The following MSH5 variants were observed in gnomAD, a reference collection of about 807,000 sequenced individuals.
MSH5 encodes mutS homolog 5, also known as mutS protein homolog 5.
In MSH5, 78 loss-of-function variants were observed where a neutral mutation model predicts 107.7. The observed-to-expected ratio is 0.72, with a 90% CI of 0.60 to 0.87. The LOEUF is 0.87. Ranked by LOEUF, MSH5 falls within the 40% of genes least tolerant of loss-of-function variation. The pLI is 0.00. For missense variants in MSH5, 889 were observed against 1,046.6 expected, an observed-to-expected ratio of 0.85 and a Z score of 2.08; for synonymous variants, 326 against 399.5, an observed-to-expected ratio of 0.82 and a Z score of 2.19.
rs960250200 is a variant in MSH5, at chr6:31,759,651, T to C, written c.1496-135T>C. 6 of 1,354,426 alleles carry C rather than the reference T, an allele frequency of 4.4e-6. No homozygotes were observed. Among genetic ancestry groups the C allele is most frequent in the Admixed American group, 1.9e-5 (1 of 52,758 alleles). 83.9% of individuals were successfully genotyped at this position (1,354,426 alleles called of 1,614,324 possible). On this transcript the variant is annotated intron_variant, in intron 17 of 24. Coordinates refer to ENST00000375750, the MANE Select transcript of MSH5 (RefSeq NM_172166.4). The surrounding 1 kb of genome is among the most constrained non-coding windows in gnomAD (Gnocchi z 4.7). ...TGCTCTCTGTCTCGCTCACTCTGAC[T>C]CTATCTTTTCCTCTGAATGTCTTGA...
chr6:31,740,438 CTT>C lies in MSH5; in HGVS notation c.-13-12_-13-11del. On this transcript the variant is annotated splice_polypyrimidine_tract_variant and intron_variant, in intron 1 of 24. Transcript: ENST00000375750. This position sits in a 1 kb window ranked among gnomAD's most constrained non-coding sequence, Gnocchi z 4.4. ...AATCGTTGCTTCCGAACCGCCCTCA[CTT>C]TTTGCATCCGCAGAGCCTCCAAGCT... 6.5e-7 allele frequency: 1 copy of C among 1,547,560 alleles called. No individual in the cohort carries two copies. Among genetic ancestry groups the C allele is most frequent in the East Asian group, 2.5e-5 (1 of 40,460 alleles).
chr6:31,758,376 A>G lies in MSH5; in HGVS notation c.1143+83A>G. ...TGCAAGATGGGGAAACATGGAAGATATTGAGGTCAATTGGATAAAGAATGG... is the reference window on the plus strand; with the variant it reads ...TGCAAGATGGGGAAACATGGAAGATGTTGAGGTCAATTGGATAAAGAATGG... On this transcript the variant is annotated intron_variant, in intron 13 of 24. Transcript: ENST00000375750. The surrounding 1 kb of genome is among the most constrained non-coding windows in gnomAD (Gnocchi z 5.1). 2 of 1,584,266 alleles carry G rather than the reference A, an allele frequency of 1.3e-6. No homozygotes were observed. The highest frequency in any genetic ancestry group is 1.7e-6 in the Non-Finnish European group (2 of 1,159,988).
chr6:31,759,387 G>A lies in MSH5; in HGVS notation c.1408-38G>A. The A allele has an allele frequency of 6.2e-7, 1 of 1,601,060 alleles. No individual in the cohort carries two copies. The highest frequency in any genetic ancestry group is 1.3e-5 in the African/African-American group (1 of 74,778). On this transcript the variant is annotated intron_variant, in intron 16 of 24. Transcript: ENST00000375750. This position sits in a 1 kb window ranked among gnomAD's most constrained non-coding sequence, Gnocchi z 4.7. ...AGATGGGGAAGGAGAGGAGGACCAA[G>A]AGATGCAAAGTCCACAGCTTTGAAC...
In MSH5 at chr6:31,761,336, G is replaced by A; in HGVS notation, c.2037+74G>A. 1 of 1,606,252 alleles carries A rather than the reference G, an allele frequency of 6.2e-7. No individual in the cohort carries two copies. The highest frequency in any genetic ancestry group is 8.5e-7 in the Non-Finnish European group (1 of 1,174,810). ...GGAGGATGAAGGAGCATGACAGTGAGGCTGGGCCTCTGGAATGGAATAGGG... is the reference window on the plus strand; with the variant it reads ...GGAGGATGAAGGAGCATGACAGTGAAGCTGGGCCTCTGGAATGGAATAGGG... On this transcript the variant is annotated intron_variant, in intron 21 of 24. Coordinates refer to ENST00000375750, the MANE Select transcript of MSH5 (RefSeq NM_172166.4). The surrounding 1 kb of genome is among the most constrained non-coding windows in gnomAD (Gnocchi z 5.3).
Position 31,760,334 on chromosome 6 carries a change from GA to G in MSH5, c.1812+121del. ...CCCATTTTCTGACCCCGCTCTTCAT[GA>G]AAGGACCATCACCCACATCCCTGTG... is the stretch of plus-strand genomic sequence containing the variant. On this transcript the variant is annotated intron_variant, in intron 19 of 24. Coordinates refer to ENST00000375750, the MANE Select transcript of MSH5 (RefSeq NM_172166.4). The surrounding 1 kb of genome is among the most constrained non-coding windows in gnomAD (Gnocchi z 5.6). The G allele has an allele frequency of 7.5e-7, 1 of 1,337,506 alleles. No homozygotes were observed. The highest frequency in any genetic ancestry group is 1.0e-6 in the Non-Finnish European group (1 of 986,918). The allele number at this position is 1,337,506 out of a possible 1,614,324, so 82.9% of individuals were successfully genotyped here.
intron 12 of MSH5, among the ~76,000 whole-genome samples, chr6:31,755,643 T>C (rs1294014690): frequency 6.6e-6 from 1 of 152,180 alleles, no homozygotes; most frequent in Admixed American, 6.5e-5. Context: ...ATTACAGGCG[T>C]GAGCCATTGC....
intron 8 of MSH5, among the ~76,000 whole-genome samples, chr6:31,744,938 C>T (rs978014887): frequency 6.6e-6 from 1 of 151,616 alleles, no homozygotes; most frequent in Non-Finnish European, 1.5e-5. Context: ...GGTAAAACCC[C>T]GTCTCTACTA....
At chr6:31,742,787 G>A in intron 3 of MSH5, 90 bp from the exon 4 acceptor site, 1 of 1,227,776 alleles carries the variant, frequency 8.1e-7, no homozygotes, top group South Asian at 1.2e-5. Context: ...TTTTTGAGAA[G>A]GAGAGGGGTA....
chr6:31,747,430 C>T lies in MSH5; in HGVS notation c.810C>T (p.Leu270=), dbSNP rs776004247. Reference sequence around the variant, plus strand: ...ACTGTAAGTGGGGAGAGAAGCTGCTCAGGTGAGTGGGTCCCACACATACTA... The same window carrying T: ...ACTGTAAGTGGGGAGAGAAGCTGCTTAGGTGAGTGGGTCCCACACATACTA... ...RCHCKWGEKL[L]RLWFTRPTHD... The change falls in exon 10 of 25, where the codon CTC becomes CTT. Residue 270 remains leucine, a splice_region_variant and synonymous_variant. Coordinates refer to ENST00000375750, the MANE Select transcript of MSH5 (RefSeq NM_172166.4). The T allele has an allele frequency of 1.9e-6, 3 of 1,612,996 alleles. No individual in the cohort carries two copies. Among genetic ancestry groups the T allele is most frequent in the Non-Finnish European group, 2.5e-6 (3 of 1,179,974 alleles).
intron 3 of MSH5, among the ~76,000 whole-genome samples, chr6:31,741,609 C>G (rs2151332331): frequency 6.6e-6 from 1 of 152,188 alleles, no homozygotes; most frequent in South Asian, 2.1e-4. Context: ...GTCTCAAACT[C>G]CTGACCTTGT....
intron 2 of MSH5, 24 bp from the exon 3 acceptor site, chr6:31,741,138 AT>A: frequency 6.2e-7 from 1 of 1,612,056 alleles, no homozygotes; most frequent in East Asian, 2.2e-5. Flanking sequence ...TCTAATAGTG[AT>A]TTCCTTTCTT....
intron 10 of MSH5, among the ~76,000 whole-genome samples, chr6:31,752,194 A>C (rs997798086): frequency 6.6e-6 from 1 of 152,080 alleles, no homozygotes; most frequent in Admixed American, 6.6e-5. Context: ...TAATCCCAGC[A>C]CTTTGGGAGG....
chr6:31,761,173 C>T lies in MSH5; in HGVS notation c.1963-15C>T, dbSNP rs752988625. 6.2e-7 allele frequency: 1 copy of T among 1,612,692 alleles called. No homozygotes were observed. Among genetic ancestry groups the T allele is most frequent in the Non-Finnish European group, 8.5e-7 (1 of 1,179,410 alleles). ...TCCAATACTAACTTTCCCTTGTCCACCTTATACCCAGCAGGTGGCGAAAGC... is the reference window on the plus strand; with the variant it reads ...TCCAATACTAACTTTCCCTTGTCCATCTTATACCCAGCAGGTGGCGAAAGC... On this transcript the variant is annotated splice_polypyrimidine_tract_variant and intron_variant, in intron 20 of 24. Transcript: ENST00000375750. This position sits in a 1 kb window ranked among gnomAD's most constrained non-coding sequence, Gnocchi z 5.3.
chr6:31,758,185 C>T lies in MSH5; in HGVS notation c.1035C>T (p.Gly345=). ...CACAGACTGTGTACAGTGCCCTGGGCCTGAGGGATGCCTGCCGCTCCCTGC... is the reference window on the plus strand; with the variant it reads ...CACAGACTGTGTACAGTGCCCTGGGTCTGAGGGATGCCTGCCGCTCCCTGC... ...VLYKTVYSAL[G]LRDACRSLPQ... is the part of the protein sequence containing the mutation. Residue 345 remains glycine, a synonymous_variant, in exon 13 of 25, where the codon GGC becomes GGT. Coordinates refer to ENST00000375750, the MANE Select transcript of MSH5 (RefSeq NM_172166.4). This position sits in a 1 kb window ranked among gnomAD's most constrained non-coding sequence, Gnocchi z 5.1. 1 of 1,613,076 alleles carries T rather than the reference C, an allele frequency of 6.2e-7. No homozygotes were observed. Among genetic ancestry groups the T allele is most frequent in the African/African-American group, 1.3e-5 (1 of 75,042 alleles).
intron 12 of MSH5, 186 bp downstream of exon 12, chr6:31,753,815 G>A (rs1810194325): frequency 3.5e-6 from 2 of 571,826 alleles, no homozygotes; most frequent in South Asian, 2.2e-5. Context: ...TGCAACCTCC[G>A]CCTCCTGGGT....
chr6:31,747,323 T>TA, intron 9 of MSH5, 64 bp from the exon 10 acceptor site: 1 of 1,575,248 alleles, frequency 6.3e-7, no homozygotes, highest in Non-Finnish European at 8.7e-7. Flanking sequence ...CTTAGACACA[T>TA]AAACACATTC....
chr6:31,747,252 C>A, intron 9 of MSH5, 135 bp from the exon 10 acceptor site: 1 of 855,988 alleles, frequency 1.2e-6, no homozygotes, highest in Non-Finnish European at 1.9e-6. Flanking sequence ...GCTTTGGCTG[C>A]CTTTGTGCCC....
Position 31,740,074 on chromosome 6 carries a change from G to A in MSH5, c.-14+12G>A, listed in dbSNP as rs1808692389. ...CTGTAGCGACTCAGGTTACTGAAAA[G>A]GCGGGAAAACGCTGCGATGGCGGCA... On this transcript the variant is annotated intron_variant, in intron 1 of 24. Transcript: ENST00000375750. The surrounding 1 kb of genome is among the most constrained non-coding windows in gnomAD (Gnocchi z 4.4). 1 of 168,034 alleles carries A rather than the reference G, an allele frequency of 6.0e-6. No homozygotes were observed. Among genetic ancestry groups the A allele is most frequent in the Admixed American group, 6.4e-5 (1 of 15,728 alleles). The allele number at this position is 168,034 out of a possible 1,614,324, so 10.4% of individuals were successfully genotyped here.
intron 10 of MSH5, 84 bp downstream of exon 10, chr6:31,747,516 C>T (rs912699394): frequency 9.3e-6 from 13 of 1,395,404 alleles, no homozygotes; most frequent in Non-Finnish European, 1.2e-5. Flanking sequence ...TGGCAGTATA[C>T]AGATTCTCAC....
Sources: allele counts gnomAD v4.1 joint callset (sites outside exome capture counted in the v4.1 genomes callset), GRCh38; gene constraint gnomAD v4.1.1; non-coding constraint Gnocchi (gnomAD v3.1); transcripts MANE v1.5; gene names NCBI Gene and HGNC (gene_info 2026-07-23, HGNC 2026-07-21).